Variants in FGF7 observed in about 807,000 individuals in gnomAD.
The protein encoded by FGF7 is FGF-7.
Under a neutral mutation model 20.5 loss-of-function variants are expected in FGF7, and 6 were observed. That is an observed-to-expected ratio of 0.29 (90% CI 0.16 to 0.58). The LOEUF (loss-of-function observed/expected upper bound fraction) is 0.58, where lower values mean the gene tolerates loss of function less well. FGF7 is among the 20% of genes least tolerant of loss of function. FGF7 has a pLI of 0.90. For missense variants in FGF7, 144 were observed against 228.8 expected, an observed-to-expected ratio of 0.63 and a Z score of 2.39; for synonymous variants, 64 against 74.7, an observed-to-expected ratio of 0.86 and a Z score of 0.74.
chr15:49,427,900 T>C lies in FGF7; in HGVS notation c.286+3317T>C, dbSNP rs139692825. On this transcript the variant is annotated intron_variant, in intron 2 of 3. Coordinates refer to ENST00000267843, the MANE Select transcript of FGF7 (RefSeq NM_002009.4). ...TGTGACTGCTCATGTCTCATAACTT[T>C]AGGGAATTTTAAAAAATTACTTAAG... is the stretch of plus-strand genomic sequence containing the variant. Among the ~76,000 whole-genome samples the C allele has an allele frequency of 8.2e-4, 124 of 152,136 alleles. 2 individuals are homozygous for C. The highest frequency in any genetic ancestry group is 2.9e-3 in the Admixed American group (44 of 15,252).
intron 2 of FGF7, among the ~76,000 whole-genome samples, chr15:49,479,420 A>G (rs2055676259): frequency 6.6e-6 from 1 of 152,150 alleles, no homozygotes; most frequent in Admixed American, 6.5e-5. Flanking sequence ...AAAGAAAGAC[A>G]GCCTCTTCTA....
chr15:49,437,433 G>A (rs1271026974), intron 2 of FGF7, among the ~76,000 whole-genome samples: 12 of 151,578 alleles, frequency 7.9e-5, no homozygotes, highest in African/African-American at 2.7e-4. Flanking sequence ...TTAGGACTGC[G>A]CTCCACAAAA....
chr15:49,438,843 G>GAGAT (rs1369941804), intron 2 of FGF7, among the ~76,000 whole-genome samples: 2 of 151,104 alleles, frequency 1.3e-5, no homozygotes, highest in Non-Finnish European at 3.0e-5. Flanking sequence ...CTGAGAGAGA[G>GAGAT]AGTGGGTGGT....
intron 2 of FGF7, among the ~76,000 whole-genome samples, chr15:49,435,038 C>T (rs2050970798): frequency 6.6e-6 from 1 of 151,032 alleles, no homozygotes; most frequent in South Asian, 2.1e-4. Flanking sequence ...TACATTCATA[C>T]AAAACAGTAA....
intron 2 of FGF7, among the ~76,000 whole-genome samples, chr15:49,463,919 GTTTTTGTTTGT>G (rs1225079409): frequency 5.8e-5 from 8 of 138,418 alleles, no homozygotes; most frequent in South Asian, 2.3e-4. Flanking sequence ...AACAAACAAG[GTTTTTGTTTGT>G]TTTTTGTTTG....
chr15:49,467,823 G>A (rs1204935648), intron 2 of FGF7, among the ~76,000 whole-genome samples: 2 of 152,074 alleles, frequency 1.3e-5, no homozygotes, highest in Non-Finnish European at 2.9e-5. Flanking sequence ...AGAAAGGTGG[G>A]TCCCTTGCAT....
rs192954168 is a variant in FGF7, at chr15:49,485,771, A to T, written c.*1267A>T. 420 of 152,520 alleles carry T rather than the reference A, an allele frequency of 2.8e-3. 5 individuals are homozygous for T. The highest frequency in any genetic ancestry group is 5.3e-4 in the Non-Finnish European group (36 of 67,976). 9.4% of individuals were successfully genotyped at this position (152,520 alleles called of 1,614,324 possible). On this transcript the variant is annotated 3_prime_UTR_variant, in exon 4 of 4. Transcript: ENST00000267843. ...CATTACAAATATAAGTATTTACAGG[A>T]TTTTAAAGTTAGAATATATTTGAAT...
chr15:49,434,954 T>G (rs561820269), intron 2 of FGF7, among the ~76,000 whole-genome samples: 1 of 151,730 alleles, frequency 6.6e-6, no homozygotes, highest in Non-Finnish European at 1.5e-5. Context: ...ATAATATATT[T>G]TTTCTGAATA....
At chr15:49,425,195 C>G (rs534439880) in intron 2 of FGF7, 1 of 151,886 alleles carries the variant, frequency 6.6e-6, no homozygotes, top group Non-Finnish European at 1.5e-5. Context: ...TCTCTCCTAA[C>G]GTTTTCCTTA....
At chr15:49,481,047 T>C (rs2055897178) in intron 2 of FGF7, among the ~76,000 whole-genome samples, 1 of 152,222 alleles carries the variant, frequency 6.6e-6, no homozygotes, top group African/African-American at 2.4e-5. Context: ...TGCATCAGCA[T>C]TCTCTTTTTA....
chr15:49,470,496 A>G (rs2054643040), intron 2 of FGF7, among the ~76,000 whole-genome samples: 1 of 152,132 alleles, frequency 6.6e-6, no homozygotes, highest in African/African-American at 2.4e-5. Flanking sequence ...CTTCAAACTT[A>G]ATATCTTCAT....
At position 49,447,769 on chromosome 15, in the gene FGF7, C is replaced by T. The variant is rs74473738; in HGVS notation, c.286+23186C>T. Among the ~76,000 whole-genome samples the T allele has an allele frequency of 5.6e-3, 846 of 151,644 alleles. 6 individuals carry two copies. Among genetic ancestry groups the T allele is most frequent in the African/African-American group, 0.019 (806 of 41,432 alleles). On this transcript the variant is annotated intron_variant, in intron 2 of 3. Coordinates refer to ENST00000267843, the MANE Select transcript of FGF7 (RefSeq NM_002009.4). ...GACTTTGTCCTCATTACTGCTTGCT[C>T]CAAACTAATTCAACTAACTGGTCAC...
chr15:49,458,730 T>G (rs1166345515), intron 2 of FGF7, among the ~76,000 whole-genome samples: 1 of 152,168 alleles, frequency 6.6e-6, no homozygotes, highest in Non-Finnish European at 1.5e-5. Flanking sequence ...TAGGATTAGT[T>G]ACAGTTGTGG....
In FGF7 at chr15:49,471,854, C is replaced by T. The variant is rs546433816; in HGVS notation, c.287-11297C>T. ...AGATCTAAAGGGCAGCCAGAAAAGA[C>T]GTATCAAGCTAACTAAATGCTGACA... On this transcript the variant is annotated intron_variant, in intron 2 of 3. Coordinates refer to ENST00000267843, the MANE Select transcript of FGF7 (RefSeq NM_002009.4). Among the ~76,000 whole-genome samples, 229 of 152,110 alleles carry T rather than the reference C, an allele frequency of 1.5e-3. 1 individual carries two copies. The highest frequency in any genetic ancestry group is 5.3e-3 in the African/African-American group (221 of 41,510).
chr15:49,471,528 ATAATAT>A (rs1437598039), intron 2 of FGF7, among the ~76,000 whole-genome samples: 5 of 143,468 alleles, frequency 3.5e-5, no homozygotes, highest in African/African-American at 7.7e-5. Context: ...AATAATAATA[ATAATAT>A]GGCAAATGTA....
rs902153433 is a variant in FGF7, at chr15:49,488,567, G to C, written c.*4063G>C. The C allele has an allele frequency of 1.3e-5, 2 of 151,770 alleles. No individual in the cohort carries two copies. Among genetic ancestry groups the C allele is most frequent in the Admixed American group, 6.6e-5 (1 of 15,198 alleles). The allele number at this position is 151,770 out of a possible 1,614,324, so 9.4% of individuals were successfully genotyped here. A position where few individuals can be genotyped will look rare whatever the true frequency, so the allele number is the denominator to read the frequency against. ...CTCTTATGTTTTCCTTTTACTTCCT[G>C]GTTATCATGTGGTTGCATTTTCCAA... On this transcript the variant is annotated 3_prime_UTR_variant, in exon 4 of 4. Coordinates refer to ENST00000267843, the MANE Select transcript of FGF7 (RefSeq NM_002009.4).
intron 2 of FGF7, among the ~76,000 whole-genome samples, chr15:49,462,391 A>G (rs1238606532): frequency 1.3e-5 from 2 of 152,184 alleles, no homozygotes; most frequent in African/African-American, 2.4e-5. Context: ...TCTTAATCAC[A>G]ATGCTTTTTC....
At chr15:49,448,873 A>G (rs1460263510) in intron 2 of FGF7, among the ~76,000 whole-genome samples, 1 of 151,844 alleles carries the variant, frequency 6.6e-6, no homozygotes, top group Non-Finnish European at 1.5e-5. Flanking sequence ...GTCGATTCCA[A>G]TATTATATTA....
At chr15:49,463,991 T>C (rs1184705996) in intron 2 of FGF7, among the ~76,000 whole-genome samples, 7 of 152,342 alleles carry the variant, frequency 4.6e-5, no homozygotes, top group African/African-American at 9.6e-5. Context: ...ATCTTTTTCA[T>C]TGGCGGAGGT....
Sources: allele counts gnomAD v4.1 joint callset (sites outside exome capture counted in the v4.1 genomes callset), GRCh38; gene constraint gnomAD v4.1.1; transcripts MANE v1.5; gene names NCBI Gene and HGNC (gene_info 2026-07-23, HGNC 2026-07-21).